The following DLG2 variants were observed in gnomAD, a reference collection of about 807,000 sequenced individuals.
DLG2 encodes disks large homolog 2.
A neutral mutation model predicts 132.5 loss-of-function variants in DLG2; 45 were observed. The observed-to-expected ratio is 0.34, with a 90% confidence interval of 0.27 to 0.44. The LOEUF is 0.44. Among genes scored for constraint, DLG2 ranks in the 20% least tolerant of loss-of-function variants. DLG2 has a pLI of 1.00. For synonymous variants in DLG2, 424 were observed against 419.6 expected, an observed-to-expected ratio of 1.01 and a Z score of -0.13; for missense variants, 1,045 against 1,196.9, an observed-to-expected ratio of 0.87 and a Z score of 1.87.
intron 6 of DLG2, among the ~76,000 whole-genome samples, chr11:84,614,916 A>G (rs2099601328): frequency 6.6e-6 from 1 of 152,142 alleles, no homozygotes; most frequent in Non-Finnish European, 1.5e-5. Flanking sequence ...CTTTCAAAGT[A>G]GCTATATGAG....
rs1243514033 is a variant in DLG2 at position 84,736,740 on chromosome 11, A to G, written c.358-202009T>C. Among the ~76,000 whole-genome samples, 7 of 152,040 alleles carry G rather than the reference A, an allele frequency of 4.6e-5. No individual in the cohort carries two copies. The East Asian group carries it at 1.4e-3, about 29-fold the overall frequency. On this transcript the variant is annotated intron_variant, in intron 6 of 27. Coordinates refer to ENST00000376104, the MANE Select transcript of DLG2 (RefSeq NM_001142699.3). Reference sequence around the variant, plus strand: ...TACAAAGTTTGTATATTGTCCTTTTATTCTGCAACATTGCTAAACTCACCT... The same window carrying G: ...TACAAAGTTTGTATATTGTCCTTTTGTTCTGCAACATTGCTAAACTCACCT...
intron 6 of DLG2, among the ~76,000 whole-genome samples, chr11:84,856,949 T>G (rs576161928): frequency 6.6e-6 from 1 of 152,086 alleles, no homozygotes; most frequent in East Asian, 1.9e-4. Flanking sequence ...ACCAAAAGTA[T>G]GTTTTGTCAC....
At chr11:85,620,422 C>G (rs749712524) in intron 2 of DLG2, among the ~76,000 whole-genome samples, 1 of 152,214 alleles carries the variant, frequency 6.6e-6, no homozygotes, top group African/African-American at 2.4e-5. Context: ...TTACACATTT[C>G]TCACACTCAA....
intron 17 of DLG2, among the ~76,000 whole-genome samples, chr11:83,799,777 A>T (rs1342954895): frequency 1.3e-5 from 2 of 152,192 alleles, no homozygotes; most frequent in Non-Finnish European, 2.9e-5. Flanking sequence ...TGACTTTGCT[A>T]TGTCTGTTGG....
intron 3 of DLG2, among the ~76,000 whole-genome samples, chr11:85,480,700 C>G (rs567612304): frequency 6.6e-6 from 1 of 152,112 alleles, no homozygotes; most frequent in Non-Finnish European, 1.5e-5. Flanking sequence ...AATAAGTACT[C>G]TTACCAAAAG....
Position 83,882,284 on chromosome 11 carries a change from A to AACAC in DLG2, c.1497-7800_1497-7797dup, listed in dbSNP as rs540530074. Among the ~76,000 whole-genome samples the AACAC allele has an allele frequency of 1.1e-4, 16 of 152,358 alleles. No individual in the cohort carries two copies. In the South Asian group the frequency reaches 1.5e-3, roughly 14 times the overall value. The stretch of plus-strand genomic sequence containing the variant: ...CTCACATATAAAAAAAAGATGAAGG[A>AACAC]ACACAATATGTTAACTGTTCTCAAA... On this transcript the variant is annotated intron_variant, in intron 15 of 27. Transcript: ENST00000376104.
chr11:85,194,764 T>C (rs1243834890), intron 4 of DLG2, among the ~76,000 whole-genome samples: 1 of 152,096 alleles, frequency 6.6e-6, no homozygotes, highest in Non-Finnish European at 1.5e-5. Context: ...CTCATACCGA[T>C]TGGGATGGGG....
At chr11:85,135,798 T>A (rs2076101876) in intron 5 of DLG2, among the ~76,000 whole-genome samples, 2 of 152,190 alleles carry the variant, frequency 1.3e-5, no homozygotes, top group Non-Finnish European at 2.9e-5. Flanking sequence ...TACTTGAGAA[T>A]CTACTTATGT....
chr11:85,346,327 A>C (rs1273801646), intron 3 of DLG2, among the ~76,000 whole-genome samples: 2 of 151,702 alleles, frequency 1.3e-5, no homozygotes, highest in African/African-American at 4.9e-5. Context: ...AGCTGGGACT[A>C]CAGGTGTCTG....
intron 6 of DLG2, among the ~76,000 whole-genome samples, chr11:84,765,795 G>GT (rs903493827): frequency 5.9e-5 from 9 of 151,756 alleles, no homozygotes; most frequent in Non-Finnish European, 7.4e-5. Context: ...TTTGGTGTAA[G>GT]TTTTTTTTAT....
At chr11:85,559,818 T>TGATAGATAGATAGATA (rs59676725) in intron 3 of DLG2, among the ~76,000 whole-genome samples, 17 of 144,444 alleles carry the variant, frequency 1.2e-4, no homozygotes, top group African/African-American at 1.7e-4. Flanking sequence ...GTTAGATGAT[T>TGATAGATAGATAGATA]GATAGATAGA....
At chr11:85,058,347 T>C (rs1019660608) in intron 6 of DLG2, among the ~76,000 whole-genome samples, 4 of 151,664 alleles carry the variant, frequency 2.6e-5, no homozygotes, top group Admixed American at 6.6e-5. Context: ...TGTTCAAGAA[T>C]TCTACACAGT....
intron 6 of DLG2, among the ~76,000 whole-genome samples, chr11:84,869,859 T>A (rs1312530072): frequency 6.6e-6 from 1 of 152,242 alleles, no homozygotes; most frequent in Non-Finnish European, 1.5e-5. Flanking sequence ...TGAATTTAAA[T>A]TAGGTATTTC....
intron 9 of DLG2, 23 bp from the exon 10 acceptor site, chr11:84,099,070 T>G (rs3750917): frequency 0.89 from 1,434,128 of 1,607,772 alleles, 644,054 homozygotes; most frequent in Non-Finnish European, 0.92. Context: ...AAAGCAGATA[T>G]TAAATGATGT....
At chr11:84,424,200 C>A (rs916560757) in intron 7 of DLG2, among the ~76,000 whole-genome samples, 12 of 152,092 alleles carry the variant, frequency 7.9e-5, no homozygotes, top group Non-Finnish European at 1.3e-4. Flanking sequence ...AAATCAGAGT[C>A]ACCTTCCAAA....
chr11:85,157,908 CCCCGA>C (rs1310653389), intron 4 of DLG2, among the ~76,000 whole-genome samples: 1 of 152,110 alleles, frequency 6.6e-6, no homozygotes, highest in African/African-American at 2.4e-5. Context: ...AACATCCCCT[CCCCGA>C]CCCATTAGCC....
In DLG2 at chr11:84,683,078, C is replaced by G. The variant is rs974413926; in HGVS notation, c.358-148347G>C. Among the ~76,000 whole-genome samples, 12 of 152,186 alleles carry G rather than the reference C, an allele frequency of 7.9e-5. 1 individual carries two copies. The highest frequency in any genetic ancestry group is 4.6e-4 in the Admixed American group (7 of 15,292). ...CAATGTTTATAATGACTTAAATATA[C>G]TGGTCTGAATGATGAGTGTAAGTTA... is the stretch of plus-strand genomic sequence containing the variant. On this transcript the variant is annotated intron_variant, in intron 6 of 27. Coordinates refer to ENST00000376104, the MANE Select transcript of DLG2 (RefSeq NM_001142699.3).
At chr11:84,884,306 T>G (rs186365499) in intron 6 of DLG2, among the ~76,000 whole-genome samples, 50 of 149,110 alleles carry the variant, frequency 3.4e-4, no homozygotes, top group Admixed American at 1.0e-3. Flanking sequence ...GGTCTTAGTG[T>G]GATGGATTTG....
chr11:84,022,400 T>C (rs978430197), intron 11 of DLG2, among the ~76,000 whole-genome samples: 1 of 152,152 alleles, frequency 6.6e-6, no homozygotes, highest in African/African-American at 2.4e-5. Flanking sequence ...CTTTTTGACA[T>C]TTACTCCTGC....
Sources: allele counts gnomAD v4.1 joint callset (sites outside exome capture counted in the v4.1 genomes callset), GRCh38; gene constraint gnomAD v4.1.1; transcripts MANE v1.5; gene names NCBI Gene and HGNC (gene_info 2026-07-23, HGNC 2026-07-21).